Variants in GPR161 observed in about 807,000 individuals in gnomAD.
The protein encoded by GPR161 is G protein-coupled receptor 161.
In GPR161, 25 loss-of-function variants were observed where a neutral mutation model predicts 39.2. The observed-to-expected ratio is 0.64, with a 90% CI of 0.47 to 0.89. The LOEUF (loss-of-function observed/expected upper bound fraction) is 0.89, where lower values mean the gene tolerates loss of function less well. Ranked by LOEUF, GPR161 falls within the 40% of genes least tolerant of loss-of-function variation. The pLI, the probability that GPR161 is intolerant of heterozygous loss-of-function variation, is 0.00. For missense variants in GPR161, 547 were observed against 677.8 expected (o/e 0.81, Z 2.14); for synonymous variants, 286 against 276.6 (o/e 1.03, Z -0.34).
In GPR161 at chr1:168,124,808, T is replaced by C. The variant is rs139602159; in HGVS notation, c.-45+11931A>G. ...CCCATAGTAATAAGTTCTTGCTCTA[T>C]GAGCTCATGCAAAGTGTGGTACTCC... On this transcript the variant is annotated intron_variant, in intron 1 of 5. Transcript: ENST00000682931. Among the ~76,000 whole-genome samples, 1,094 of 152,322 alleles carry C rather than the reference T, an allele frequency of 7.2e-3. 8 individuals are homozygous for C. The highest frequency in any genetic ancestry group is 0.039 in the South Asian group (189 of 4,820).
At chr1:168,106,356 G>A (rs113454354) in intron 1 of GPR161, among the ~76,000 whole-genome samples, 1,745 of 152,358 alleles carry the variant, frequency 0.011, 30 homozygotes, top group African/African-American at 0.038. Context: ...GGAGGCCCAT[G>A]TGGGCAGACT....
chr1:168,110,910 G>A (rs1279030527), intron 1 of GPR161, among the ~76,000 whole-genome samples: 2 of 140,216 alleles, frequency 1.4e-5, no homozygotes, highest in South Asian at 2.3e-4. Context: ...GGAGACAAGA[G>A]CAAAACTCTA....
Position 168,090,617 on chromosome 1 carries a change from A to G in GPR161, c.1151T>C (p.Leu384Pro). The G allele has an allele frequency of 1.2e-6, 2 of 1,610,874 alleles. No individual in the cohort carries two copies. Among genetic ancestry groups the G allele is most frequent in the East Asian group, 4.5e-5 (2 of 44,860 alleles). The change falls in exon 4 of 6, where the codon CTG becomes CCG. Residue 384 changes from leucine to proline, a missense_variant. Coordinates refer to ENST00000682931, the MANE Select transcript of GPR161 (RefSeq NM_001375883.1). ...GTCCCCCGTGCTGCTGCTGTGCCCC[A>G]GGGGCTGTCCACCTGCCATGAGCGC... is the stretch of plus-strand genomic sequence containing the variant. ...LTALMAGGQPLGHSSSTGDTG... is the reference protein window; with the variant it reads ...LTALMAGGQPPGHSSSTGDTG...
chr1:168,137,032 G>A, upstream of GPR161: 1 of 155,122 alleles, frequency 6.4e-6, no homozygotes, highest in African/African-American at 3.9e-5. Flanking sequence ...GCACTGCCCC[G>A]CCCCGCCCAG....
At chr1:168,097,853 C>T (rs10047139) in intron 2 of GPR161, among the ~76,000 whole-genome samples, 4,296 of 152,192 alleles carry the variant, frequency 0.028, 193 homozygotes, top group African/African-American at 0.097. Context: ...GATGAGGAAA[C>T]TAAAGCAGGG....
chr1:168,088,092 T>C (rs1694720222), intron 4 of GPR161: 1 of 166,012 alleles, frequency 6.0e-6, no homozygotes, highest in Non-Finnish European at 1.3e-5. Context: ...TCCTACAGTC[T>C]GAATTTCTAT....
intron 3 of GPR161, among the ~76,000 whole-genome samples, chr1:168,095,675 A>G (rs1156347321): frequency 6.6e-6 from 1 of 152,092 alleles, no homozygotes; most frequent in East Asian, 1.9e-4. Flanking sequence ...CCATCTGAGG[A>G]GATCACTGAT....
chr1:168,137,330 G>A, upstream of GPR161: 1 of 1,535,476 alleles, frequency 6.5e-7, no homozygotes. Context: ...GCTCCGCACA[G>A]TCCCATTCTC....
At chr1:168,088,268 G>A (rs1312235017) in intron 4 of GPR161, 1 of 153,160 alleles carries the variant, frequency 6.5e-6, no homozygotes, top group Non-Finnish European at 1.5e-5. Context: ...GCAGGCAGAG[G>A]GAATGGGGCA....
At chr1:168,104,985 G>A (rs1696473035) in intron 1 of GPR161, 91 bp from the exon 2 acceptor site, 1 of 953,404 alleles carries the variant, frequency 1.0e-6, no homozygotes, top group Non-Finnish European at 1.6e-6. Context: ...AAGGGGTTAA[G>A]TGCTACGCCT....
chr1:168,093,157 G>C (rs1300415385), intron 3 of GPR161, among the ~76,000 whole-genome samples: 1 of 152,180 alleles, frequency 6.6e-6, no homozygotes, highest in Non-Finnish European at 1.5e-5. Context: ...ATTTAGCAAT[G>C]TCCATGCAGG....
intron 2 of GPR161, among the ~76,000 whole-genome samples, chr1:168,103,368 T>C (rs1393211387): frequency 3.3e-5 from 5 of 151,696 alleles, no homozygotes; most frequent in African/African-American, 1.2e-4. Flanking sequence ...TTCTGATGGT[T>C]AGATCATGTG....
chr1:168,132,838 G>A (rs1273393404), intron 1 of GPR161, among the ~76,000 whole-genome samples: 1 of 152,036 alleles, frequency 6.6e-6, no homozygotes, highest in African/African-American at 2.4e-5. Context: ...TCCGCCTCCT[G>A]GGTTCAAGCG....
chr1:168,094,263 T>C (rs773893274), intron 3 of GPR161, among the ~76,000 whole-genome samples: 1 of 151,806 alleles, frequency 6.6e-6, no homozygotes, highest in Non-Finnish European at 1.5e-5. Context: ...TTCATTGATC[T>C]AGAAAACATC....
chr1:168,111,575 C>T (rs960783776), intron 1 of GPR161, among the ~76,000 whole-genome samples: 1 of 152,222 alleles, frequency 6.6e-6, no homozygotes, highest in Non-Finnish European at 1.5e-5. Flanking sequence ...GCGAAGCCAA[C>T]ATGCTGAGCA....
At chr1:168,100,329 T>A (rs1224043095) in intron 2 of GPR161, among the ~76,000 whole-genome samples, 1 of 151,970 alleles carries the variant, frequency 6.6e-6, no homozygotes, top group African/African-American at 2.4e-5. Flanking sequence ...AGAAGCCTCA[T>A]TTAAGCCTAG....
intron 1 of GPR161, among the ~76,000 whole-genome samples, chr1:168,113,780 T>A (rs987995885): frequency 6.6e-6 from 1 of 152,130 alleles, no homozygotes; most frequent in Non-Finnish European, 1.5e-5. Flanking sequence ...GGAAGCTAAA[T>A]GATGAGAACA....
intron 1 of GPR161, among the ~76,000 whole-genome samples, chr1:168,124,320 G>C (rs1232681948): frequency 6.6e-6 from 1 of 152,094 alleles, no homozygotes; most frequent in Non-Finnish European, 1.5e-5. Context: ...CTCCATTCTA[G>C]ATAGCTGAGT....
chr1:168,126,114 T>C (rs775090396), intron 1 of GPR161, among the ~76,000 whole-genome samples: 3 of 152,240 alleles, frequency 2.0e-5, no homozygotes, highest in Admixed American at 6.5e-5. Flanking sequence ...GTCAATAGAA[T>C]TCAAATTCCT....
Sources: gnomAD v4.1 joint callset for allele counts (sites outside exome capture counted in the v4.1 genomes callset) on GRCh38, gnomAD v4.1.1 for gene constraint, MANE v1.5 for transcripts, NCBI Gene and HGNC (gene_info 2026-07-23, HGNC 2026-07-21) for gene names.